PLCL1: variants seen among roughly 807,000 people sequenced by gnomAD.
PLCL1 encodes phospholipase C like 1 (inactive).
In PLCL1, 41 loss-of-function variants were observed where a neutral mutation model predicts 84.4. The observed-to-expected ratio is 0.49, with a 90% CI of 0.38 to 0.63. The LOEUF is 0.63. Among genes scored for constraint, PLCL1 ranks in the 30% least tolerant of loss-of-function variants. PLCL1 has a pLI of 0.00. For missense variants in PLCL1, 1,206 were observed against 1,367.8 expected (o/e 0.88, Z 1.87); for synonymous variants, 490 against 488.3 (o/e 1.00, Z -0.05).
At position 197,986,307 on chromosome 2, in the gene PLCL1, A is replaced by C. The variant is rs564228364; in HGVS notation, c.241-97451A>C. Among the ~76,000 whole-genome samples, 13 of 152,318 alleles carry C rather than the reference A, an allele frequency of 8.5e-5. No homozygotes were observed. The East Asian group carries it at 1.9e-3, about 23-fold the overall frequency. ...AACTAGACAAGGCTCTGTGTGCTGC[A>C]AATGACTGAAGGTCTGAAGCCATAT... On this transcript the variant is annotated intron_variant, in intron 1 of 5. Coordinates refer to ENST00000428675, the MANE Select transcript of PLCL1 (RefSeq NM_006226.4).
intron 1 of PLCL1, among the ~76,000 whole-genome samples, chr2:197,842,981 C>A (rs557716006): frequency 1.3e-4 from 20 of 152,296 alleles, no homozygotes; most frequent in Non-Finnish European, 2.5e-4. Context: ...CATGACCTGG[C>A]TTTAATGTAA....
At chr2:198,102,570 A>G (rs891179910) in intron 4 of PLCL1, among the ~76,000 whole-genome samples, 1 of 152,004 alleles carries the variant, frequency 6.6e-6, no homozygotes, top group African/African-American at 2.4e-5. Flanking sequence ...TACAGCGTTC[A>G]CTCCTGGAGG....
intron 1 of PLCL1, among the ~76,000 whole-genome samples, chr2:198,042,300 G>A (rs530733413): frequency 4.6e-5 from 7 of 152,298 alleles, no homozygotes; most frequent in Admixed American, 4.6e-4. Flanking sequence ...TGGACTTCCT[G>A]TTATGTGAGA....
intron 1 of PLCL1, among the ~76,000 whole-genome samples, chr2:197,848,549 G>T (rs1687163848): frequency 1.3e-5 from 2 of 152,154 alleles, no homozygotes; most frequent in South Asian, 4.1e-4. Flanking sequence ...GGACTCATTT[G>T]TTATGAACCC....
chr2:198,135,976 G>A (rs983561138), intron 5 of PLCL1, among the ~76,000 whole-genome samples: 1 of 152,112 alleles, frequency 6.6e-6, no homozygotes, highest in African/African-American at 2.4e-5. Context: ...TGCCTTTTGG[G>A]ATCCCCCAAG....
At chr2:197,910,802 T>TTAGTG (rs1688472006) in intron 1 of PLCL1, among the ~76,000 whole-genome samples, 1 of 152,234 alleles carries the variant, frequency 6.6e-6, no homozygotes, top group African/African-American at 2.4e-5. Flanking sequence ...AGTAAATAGC[T>TTAGTG]TAGTGTTCAA....
chr2:197,995,923 G>A (rs1337211387), intron 1 of PLCL1, among the ~76,000 whole-genome samples: 1 of 152,170 alleles, frequency 6.6e-6, no homozygotes, highest in African/African-American at 2.4e-5. Context: ...AGGTTAAATT[G>A]TCACATGAGT....
Position 197,969,128 on chromosome 2 carries a change from T to C in PLCL1, c.241-114630T>C, listed in dbSNP as rs111630749. On this transcript the variant is annotated intron_variant, in intron 1 of 5. Coordinates refer to ENST00000428675, the MANE Select transcript of PLCL1 (RefSeq NM_006226.4). The stretch of plus-strand genomic sequence containing the variant: ...CTTATGAGAGTCTAATGCCTGATGA[T>C]CTGAAGTGGAAGAGTTTCATCCTGA... Among the ~76,000 whole-genome samples, 911 of 152,256 alleles carry C rather than the reference T, an allele frequency of 6.0e-3. 5 individuals carry two copies. Among genetic ancestry groups the C allele is most frequent in the African/African-American group, 0.021 (872 of 41,550 alleles).
chr2:198,127,018 T>TGG, intron 5 of PLCL1, among the ~76,000 whole-genome samples: 1 of 104,980 alleles, frequency 9.5e-6, no homozygotes, highest in Admixed American at 8.8e-5. Context: ...GTGTGGGGGG[T>TGG]GGTGTATTCT....
At chr2:198,065,080 C>T (rs185867784) in intron 1 of PLCL1, among the ~76,000 whole-genome samples, 18 of 152,284 alleles carry the variant, frequency 1.2e-4, no homozygotes, top group Admixed American at 2.6e-4. Flanking sequence ...AATGGACACA[C>T]TCAACATCCT....
chr2:198,055,357 G>C (rs548256642), intron 1 of PLCL1, among the ~76,000 whole-genome samples: 925 of 65,360 alleles, frequency 0.014, 7 homozygotes, highest in Non-Finnish European at 0.02. Context: ...GTGTATGAGA[G>C]AGAGAGAAAG....
intron 5 of PLCL1, among the ~76,000 whole-genome samples, chr2:198,143,827 G>A (rs1694448878): frequency 6.6e-6 from 1 of 152,034 alleles, no homozygotes. Flanking sequence ...TTTATATCAT[G>A]TTTCAATGTA....
At chr2:198,116,448 G>GA (rs762125824) in intron 5 of PLCL1, among the ~76,000 whole-genome samples, 234 of 151,840 alleles carry the variant, frequency 1.5e-3, no homozygotes, top group Middle Eastern at 3.4e-3. Flanking sequence ...ATTAATAACT[G>GA]AATTTTCCCT....
In PLCL1 at chr2:198,114,838, C is replaced by T. The variant is rs549819021; in HGVS notation, c.3105+10902C>T. The stretch of plus-strand genomic sequence containing the variant: ...ATATATATATCTATATATACATATA[C>T]ATATATACACACATATATGGTATGC... On this transcript the variant is annotated intron_variant, in intron 5 of 5. Transcript: ENST00000428675. Among the ~76,000 whole-genome samples, 9 of 151,138 alleles carry T rather than the reference C, an allele frequency of 6.0e-5. No individual in the cohort carries two copies. In the South Asian group the frequency reaches 1.9e-3, roughly 31 times the overall value.
In PLCL1 at chr2:198,002,452, T is replaced by G. The variant is rs7576221; in HGVS notation, c.241-81306T>G. On this transcript the variant is annotated intron_variant, in intron 1 of 5. Coordinates refer to ENST00000428675, the MANE Select transcript of PLCL1 (RefSeq NM_006226.4). ...GTACCAATTTACATGACTACAAATA[T>G]AATATTTTTTAACATCTGTAAAATT... Among the ~76,000 whole-genome samples, 863 of 152,350 alleles carry G rather than the reference T, an allele frequency of 5.7e-3. 9 individuals carry two copies. Among genetic ancestry groups the G allele is most frequent in the African/African-American group, 0.019 (810 of 41,578 alleles).
chr2:198,082,510 G>T (rs1471685810), intron 1 of PLCL1, among the ~76,000 whole-genome samples: 1 of 152,124 alleles, frequency 6.6e-6, no homozygotes, highest in African/African-American at 2.4e-5. Flanking sequence ...TGACTCTTTG[G>T]CATGCCCTAT....
chr2:198,070,960 A>G, intron 1 of PLCL1: 3 of 368,724 alleles, frequency 8.1e-6, no homozygotes, highest in Non-Finnish European at 1.1e-5. Flanking sequence ...AAATTCCATA[A>G]TTTTGCTCCC....
At position 198,077,686 on chromosome 2, in the gene PLCL1, C is replaced by T. The variant is rs529940254; in HGVS notation, c.241-6072C>T. Among the ~76,000 whole-genome samples, 49 of 152,262 alleles carry T rather than the reference C, an allele frequency of 3.2e-4. No homozygotes were observed. In the South Asian group the frequency reaches 9.7e-3, roughly 30 times the overall value. On this transcript the variant is annotated intron_variant, in intron 1 of 5. Transcript: ENST00000428675. ...AACACTGAAACTGCAGCCCAGACTT[C>T]TCCCTGGAGGTTTGACTCATATATC...
chr2:198,110,011 G>A (rs1382334223), intron 5 of PLCL1, among the ~76,000 whole-genome samples: 3 of 151,574 alleles, frequency 2.0e-5, no homozygotes, highest in Admixed American at 2.0e-4. Context: ...AGCTTAAAGA[G>A]AAATAAAAGG....
Sources: allele counts gnomAD v4.1 joint callset (sites outside exome capture counted in the v4.1 genomes callset), GRCh38; gene constraint gnomAD v4.1.1; transcripts MANE v1.5; gene names NCBI Gene and HGNC (gene_info 2026-07-23, HGNC 2026-07-21).